KAT6A: variants seen among roughly 807,000 people sequenced by gnomAD.
KAT6A encodes the protein lysine acetyltransferase 6A, also known as histone acetyltransferase KAT6A.
Under a neutral mutation model 198.4 loss-of-function variants are expected in KAT6A, and 9 were observed. The ratio of observed to expected loss-of-function variants is 0.05; its 90% CI spans 0.03 to 0.08. The LOEUF is 0.08. Ranked by LOEUF, KAT6A falls within the 10% of genes least tolerant of loss-of-function variation. KAT6A has a pLI of 1.00. For missense variants in KAT6A, 2,077 were observed against 2,509.9 expected (o/e 0.83, Z 3.69); for synonymous variants, 890 against 883.0 (o/e 1.01, Z -0.14).
chr8:41,997,182 T>A (rs1825258423), intron 2 of KAT6A, among the ~76,000 whole-genome samples: 1 of 152,212 alleles, frequency 6.6e-6, no homozygotes. Flanking sequence ...GGTAAATTTT[T>A]ATATAAATTT....
intron 1 of KAT6A, among the ~76,000 whole-genome samples, chr8:42,051,388 C>A: frequency 6.6e-6 from 1 of 151,500 alleles, no homozygotes; most frequent in South Asian, 2.1e-4. Context: ...CGGCCGGAGC[C>A]AAAGCCGGAG....
In KAT6A at chr8:41,930,550, C is replaced by T. The variant is rs1302619954; in HGVS notation, c.*1655G>A. 5 of 190,706 alleles carry T rather than the reference C, an allele frequency of 2.6e-5. No individual in the cohort carries two copies. The highest frequency in any genetic ancestry group is 5.5e-5 in the Non-Finnish European group (5 of 91,506). 11.8% of individuals were successfully genotyped at this position (190,706 alleles called of 1,614,324 possible). A position where few individuals can be genotyped will look rare whatever the true frequency, so the allele number is the denominator to read the frequency against. ...TAAAAATTTATCTATATAAAATGTACAAATAAAGGAGAGAATTTAATGCTT... is the reference window on the plus strand; with the variant it reads ...TAAAAATTTATCTATATAAAATGTATAAATAAAGGAGAGAATTTAATGCTT... On this transcript the variant is annotated 3_prime_UTR_variant, in exon 17 of 17. Transcript: ENST00000265713.
At chr8:41,987,403 C>T in intron 3 of KAT6A, 52 bp downstream of exon 3, 2 of 1,046,264 alleles carry the variant, frequency 1.9e-6, no homozygotes, top group South Asian at 1.3e-5. Flanking sequence ...AACATACTTT[C>T]CGCTTGCCTT....
intron 2 of KAT6A, among the ~76,000 whole-genome samples, chr8:42,022,562 C>T (rs1276412577): frequency 6.6e-6 from 1 of 152,080 alleles, no homozygotes; most frequent in African/African-American, 2.4e-5. Flanking sequence ...ACTTGTCAGA[C>T]TGCCAAAAAT....
At chr8:42,039,002 T>G (rs1162548366) in intron 2 of KAT6A, among the ~76,000 whole-genome samples, 1 of 152,200 alleles carries the variant, frequency 6.6e-6, no homozygotes, top group Non-Finnish European at 1.5e-5. Context: ...GGCCTTGAAT[T>G]TACAGATACA....
chr8:41,940,647 A>G (rs1429734211), intron 15 of KAT6A, among the ~76,000 whole-genome samples, 195 bp downstream of exon 15: 4 of 152,244 alleles, frequency 2.6e-5, no homozygotes, highest in Non-Finnish European at 5.9e-5. Context: ...CATGAATCAA[A>G]GAAGTCAAAC....
rs77068899 is a variant in KAT6A at position 42,050,633 on chromosome 8, A to T, written c.-326+1268T>A. Among the ~76,000 whole-genome samples the T allele has an allele frequency of 1.1e-3, 175 of 152,352 alleles. 3 individuals are homozygous for T. In the East Asian group the frequency reaches 0.032, roughly 27 times the overall value. ...TAAAAAGAAGCCCCCTGGGAGAATC[A>T]TGCTTCAATTTGGTGAGGGTCTCAA... On this transcript the variant is annotated intron_variant, in intron 1 of 16. Transcript: ENST00000265713.
At chr8:41,966,345 A>G (rs988661057) in intron 8 of KAT6A, among the ~76,000 whole-genome samples, 3 of 152,098 alleles carry the variant, frequency 2.0e-5, no homozygotes, top group African/African-American at 4.8e-5. Flanking sequence ...CACCGTCAGA[A>G]GAGTTAGTAC....
intron 14 of KAT6A, chr8:41,942,149 T>G (rs1276140849): frequency 4.9e-6 from 1 of 205,678 alleles, no homozygotes; most frequent in Non-Finnish European, 9.9e-6. Context: ...TGAAGAAAAA[T>G]ACTGACAATG....
intron 2 of KAT6A, among the ~76,000 whole-genome samples, chr8:42,018,263 C>T (rs1360453763): frequency 2.6e-5 from 4 of 152,176 alleles, no homozygotes; most frequent in Non-Finnish European, 4.4e-5. Context: ...AGGCCAGGCA[C>T]GGTGGCTCAC....
chr8:42,040,596 G>A lies in KAT6A; in HGVS notation c.600+7782C>T, dbSNP rs530054454. Among the ~76,000 whole-genome samples the A allele has an allele frequency of 5.9e-5, 9 of 151,626 alleles. No individual in the cohort carries two copies. The East Asian group carries it at 7.8e-4, about 13-fold the overall frequency. On this transcript the variant is annotated intron_variant, in intron 2 of 16. Transcript: ENST00000265713. ...TAAAAATACAAAAAATTAGCCAGGC[G>A]TGGTGGCGGGTGCATGTAAACCCAG...
At chr8:41,970,292 G>A (rs963586762) in intron 8 of KAT6A, among the ~76,000 whole-genome samples, 1 of 152,156 alleles carries the variant, frequency 6.6e-6, no homozygotes, top group East Asian at 1.9e-4. Flanking sequence ...AGATCTAGCT[G>A]TTTATTTCCT....
chr8:41,990,384 A>G (rs1463452592), intron 2 of KAT6A, among the ~76,000 whole-genome samples: 2 of 152,218 alleles, frequency 1.3e-5, no homozygotes, highest in African/African-American at 2.4e-5. Flanking sequence ...ATAGTAAGGA[A>G]GACAAGAGAC....
rs1446049885 is a variant in KAT6A, at chr8:41,932,061, A to C, written c.*144T>G. ...AAAAAAGAGAAGATCAGGTTTTCTA[A>C]AAAATAAAATAAACCAAAGAAAAAT... On this transcript the variant is annotated 3_prime_UTR_variant, in exon 17 of 17. Transcript: ENST00000265713. The C allele has an allele frequency of 1.5e-5, 13 of 851,336 alleles. No individual in the cohort carries two copies. Among genetic ancestry groups the C allele is most frequent in the Non-Finnish European group, 2.1e-5 (13 of 630,722 alleles). 52.7% of individuals were successfully genotyped at this position (851,336 alleles called of 1,614,324 possible). A position where few individuals can be genotyped will look rare whatever the true frequency, so the allele number is the denominator to read the frequency against.
rs780624876 is a variant in KAT6A, at chr8:42,048,515, T to C, written c.463A>G (p.Ile155Val). 1.9e-6 allele frequency: 3 copies of C among 1,614,208 alleles called. No homozygotes were observed. The highest frequency in any genetic ancestry group is 1.1e-5 in the South Asian group (1 of 91,084). ...QQLRLAIKRA[I>V]GHGRLLKDGP... ...TCTTTAAGGAGTCTGCCGTGGCCAA[T>C]GGCACGTTTGATAGCCAATCGTAAC... Residue 155 changes from isoleucine to valine, a missense_variant, in exon 2 of 17, where the codon ATT (isoleucine) becomes GTT (valine). Transcript: ENST00000265713.
At chr8:42,002,378 C>T (rs367628067) in intron 2 of KAT6A, among the ~76,000 whole-genome samples, 5 of 152,186 alleles carry the variant, frequency 3.3e-5, no homozygotes, top group Admixed American at 1.3e-4. Flanking sequence ...CTGGCAAACA[C>T]GGCAAAACCC....
intron 15 of KAT6A, among the ~76,000 whole-genome samples, chr8:41,937,865 C>T (rs1228872817): frequency 6.6e-6 from 1 of 152,152 alleles, no homozygotes; most frequent in Non-Finnish European, 1.5e-5. Flanking sequence ...GAGAGTTGCC[C>T]TGTTTTAATA....
chr8:42,028,391 T>C (rs1252370109), intron 2 of KAT6A, among the ~76,000 whole-genome samples: 1 of 152,226 alleles, frequency 6.6e-6, no homozygotes, highest in Non-Finnish European at 1.5e-5. Context: ...TAATAACATT[T>C]GCTTTATGTA....
At position 41,932,608 on chromosome 8, in the gene KAT6A, T is replaced by C. The variant is rs780436404; in HGVS notation, c.5612A>G (p.Gln1871Arg). ...TGGGCTACGGCCATACAGCTGCTGC[T>C]GGTGAGCAGCCGCAGAGGGCAGTGG... ...SAPLPSAAAH[Q>R]QQLYGRSPSA... Residue 1871 changes from glutamine (Q) to arginine (R), a missense_variant, in exon 17 of 17, where the codon CAG (glutamine) becomes CGG (arginine). Physicochemically the swap from Gln to Arg is conservative, Grantham distance 43. Coordinates refer to ENST00000265713, the MANE Select transcript of KAT6A (RefSeq NM_006766.5). The C allele has an allele frequency of 1.9e-6, 3 of 1,614,084 alleles. No homozygotes were observed.
Sources: gnomAD v4.1 joint callset for allele counts (sites outside exome capture counted in the v4.1 genomes callset) on GRCh38, gnomAD v4.1.1 for gene constraint, MANE v1.5 for transcripts, NCBI Gene and HGNC (gene_info 2026-07-23, HGNC 2026-07-21) for gene names.